The following SGCZ variants were observed in gnomAD, a reference collection of about 807,000 sequenced individuals.
SGCZ encodes the protein zeta-sarcoglycan.
SGCZ carries 40 observed loss-of-function variants against 41.3 expected under a neutral mutation model. That is an observed-to-expected ratio of 0.97 (90% CI 0.75 to 1.26). The LOEUF is 1.26. SGCZ is among the 50% of genes most tolerant of loss of function. The probability of loss-of-function intolerance (pLI) is 0.00; values close to 1 mark genes in which losing one functional copy is unlikely to be tolerated. For synonymous variants in SGCZ, 206 were observed against 137.5 expected (o/e 1.50, Z -3.49); for missense variants, 552 against 369.8 (o/e 1.49, Z -4.04).
intron 4 of SGCZ, 48 bp downstream of exon 4, chr8:14,237,543 CA>C (rs201483652): frequency 1.7e-5 from 26 of 1,525,844 alleles, no homozygotes; most frequent in East Asian, 6.8e-5. Context: ...AAAACAACAA[CA>C]AAAAAAACCA....
In SGCZ at chr8:15,206,598, G is replaced by A. The variant is rs190056913; in HGVS notation, c.39+30987C>T. The stretch of plus-strand genomic sequence containing the variant: ...GGAGTAGCTGGGATTACAGGTGCCC[G>A]CCACCACACTTGGCTAATTTTTCTC... On this transcript the variant is annotated intron_variant, in intron 1 of 7. Coordinates refer to ENST00000382080, the MANE Select transcript of SGCZ (RefSeq NM_139167.4). 3.4e-3 allele frequency among the ~76,000 whole-genome samples: 517 copies of A among 151,972 alleles called. 5 individuals carry two copies. Among genetic ancestry groups the A allele is most frequent in the African/African-American group, 0.012 (484 of 41,424 alleles).
chr8:15,120,783 T>C, intron 1 of SGCZ, among the ~76,000 whole-genome samples: 1 of 152,230 alleles, frequency 6.6e-6, no homozygotes, highest in Admixed American at 6.5e-5. Context: ...TTTTGTTGAT[T>C]TTCCCAAATC....
chr8:14,869,206 T>A (rs878882480), intron 1 of SGCZ, among the ~76,000 whole-genome samples: 1 of 152,136 alleles, frequency 6.6e-6, no homozygotes, highest in African/African-American at 2.4e-5. Context: ...ACTGGCAAAC[T>A]GAATCCAGTG....
At chr8:14,668,645 T>C (rs567335079) in intron 1 of SGCZ, among the ~76,000 whole-genome samples, 131 of 152,326 alleles carry the variant, frequency 8.6e-4, no homozygotes, top group Middle Eastern at 6.8e-3. Flanking sequence ...AATTTTGATA[T>C]GACTCTAGGC....
chr8:14,931,314 T>G (rs1354805077), intron 1 of SGCZ, among the ~76,000 whole-genome samples: 1 of 152,118 alleles, frequency 6.6e-6, no homozygotes, highest in Non-Finnish European at 1.5e-5. Flanking sequence ...TAACTTTTCT[T>G]AAGTTAAATT....
At chr8:14,824,330 G>C (rs1237292286) in intron 1 of SGCZ, among the ~76,000 whole-genome samples, 1 of 152,044 alleles carries the variant, frequency 6.6e-6, no homozygotes, top group Non-Finnish European at 1.5e-5. Flanking sequence ...ATACAACATA[G>C]ATTTGTATCA....
intron 1 of SGCZ, among the ~76,000 whole-genome samples, chr8:15,148,932 T>A (rs934715231): frequency 6.6e-6 from 1 of 152,238 alleles, no homozygotes; most frequent in African/African-American, 2.4e-5. Flanking sequence ...GGAATAATAC[T>A]GCACGAGCAC....
chr8:14,390,401 T>A (rs758590348), intron 2 of SGCZ, among the ~76,000 whole-genome samples: 3 of 151,804 alleles, frequency 2.0e-5, no homozygotes, highest in South Asian at 2.1e-4. Context: ...TAAGAAAAAA[T>A]CATGTTTAGA....
At chr8:15,168,924 T>C (rs996931616) in intron 1 of SGCZ, among the ~76,000 whole-genome samples, 5 of 152,204 alleles carry the variant, frequency 3.3e-5, no homozygotes, top group African/African-American at 7.2e-5. Context: ...AGGCTGAAGT[T>C]TTTTTGTCAT....
intron 4 of SGCZ, among the ~76,000 whole-genome samples, chr8:14,170,633 G>A (rs917373249): frequency 3.3e-5 from 5 of 151,980 alleles, no homozygotes; most frequent in Non-Finnish European, 7.4e-5. Flanking sequence ...GGTCCCAATG[G>A]AACAACATAT....
intron 4 of SGCZ, among the ~76,000 whole-genome samples, chr8:14,218,150 A>AT (rs1460125560): frequency 6.6e-6 from 1 of 152,218 alleles, no homozygotes; most frequent in Admixed American, 6.5e-5. Context: ...CATTTAAAAT[A>AT]GTAAGAGATA....
intron 1 of SGCZ, among the ~76,000 whole-genome samples, chr8:14,940,759 G>T (rs1052484937): frequency 6.6e-6 from 1 of 152,096 alleles, no homozygotes; most frequent in African/African-American, 2.4e-5. Flanking sequence ...ATGTGTGTGT[G>T]TGTCTGTGTT....
At chr8:15,157,424 G>A (rs559999643) in intron 1 of SGCZ, among the ~76,000 whole-genome samples, 2 of 148,172 alleles carry the variant, frequency 1.3e-5, no homozygotes. Context: ...CTCTTAAGGG[G>A]GAAAAAAAAA....
At chr8:14,549,519 C>A (rs1357014275) in intron 2 of SGCZ, among the ~76,000 whole-genome samples, 4 of 151,946 alleles carry the variant, frequency 2.6e-5, no homozygotes, top group Admixed American at 1.3e-4. Context: ...ACTTTTAAAA[C>A]TTAAAAAAAG....
At chr8:15,236,082 G>A (rs929360612) in intron 1 of SGCZ, among the ~76,000 whole-genome samples, 1 of 152,164 alleles carries the variant, frequency 6.6e-6, no homozygotes, top group Non-Finnish European at 1.5e-5. Context: ...AACTTTAAAC[G>A]AAGCATCAAA....
intron 2 of SGCZ, among the ~76,000 whole-genome samples, chr8:14,507,813 C>T (rs1238414132): frequency 6.7e-6 from 1 of 149,612 alleles, no homozygotes; most frequent in Admixed American, 6.6e-5. Flanking sequence ...TTCTTGTTAC[C>T]CAGGCTGGAG....
chr8:14,314,501 G>T (rs989135018), intron 3 of SGCZ, among the ~76,000 whole-genome samples: 3 of 152,130 alleles, frequency 2.0e-5, no homozygotes, highest in Admixed American at 6.5e-5. Context: ...TAGGTTGCAT[G>T]ATTTGAGGCA....
At chr8:15,119,173 T>C (rs1807386099) in intron 1 of SGCZ, among the ~76,000 whole-genome samples, 3 of 152,140 alleles carry the variant, frequency 2.0e-5, no homozygotes, top group African/African-American at 7.2e-5. Context: ...TTGACAGAAA[T>C]AGCAATGAAC....
chr8:14,887,616 A>G (rs1353036669), intron 1 of SGCZ, among the ~76,000 whole-genome samples: 1 of 152,202 alleles, frequency 6.6e-6, no homozygotes, highest in Non-Finnish European at 1.5e-5. Flanking sequence ...ATACACAATC[A>G]TATAAAAACT....
Sources: allele counts gnomAD v4.1 joint callset (sites outside exome capture counted in the v4.1 genomes callset), GRCh38; gene constraint gnomAD v4.1.1; transcripts MANE v1.5; gene names NCBI Gene and HGNC (gene_info 2026-07-23, HGNC 2026-07-21).